ASNS: variants seen among roughly 807,000 people sequenced by gnomAD.
The protein encoded by ASNS is asparagine synthetase [glutamine-hydrolyzing].
In ASNS, 37 loss-of-function variants were observed where a neutral mutation model predicts 62.6. The ratio of observed to expected loss-of-function variants is 0.59; its 90% CI spans 0.45 to 0.78. ASNS has a LOEUF of 0.78. Ranked by LOEUF, ASNS falls within the 30% of genes least tolerant of loss-of-function variation. ASNS has a pLI of 0.00. For synonymous variants in ASNS, 207 were observed against 237.9 expected, an observed-to-expected ratio of 0.87 and a Z score of 1.19; for missense variants, 520 against 682.4, an observed-to-expected ratio of 0.76 and a Z score of 2.65.
rs1327807769 is a variant in ASNS, at chr7:97,852,250, A to C, written c.*9T>G. The C allele has an allele frequency of 6.2e-7, 1 of 1,614,006 alleles. No individual in the cohort carries two copies. The highest frequency in any genetic ancestry group is 8.5e-7 in the Non-Finnish European group (1 of 1,179,986). The stretch of plus-strand genomic sequence containing the variant: ...AATATTTGCTTTCACATTACAGCAT[A>C]AAGACCACCTAAGCTTTGACAGCTG... On this transcript the variant is annotated 3_prime_UTR_variant, in exon 13 of 13. Coordinates refer to ENST00000394308, the MANE Select transcript of ASNS (RefSeq NM_001673.5).
the ASNS span, among the ~76,000 whole-genome samples, chr7:97,881,091 C>T: frequency 6.6e-6 from 1 of 152,178 alleles, no homozygotes. Context: ...CAGGTGTGCA[C>T]CGCCACGCCT....
chr7:97,893,118 T>C, the ASNS span, among the ~76,000 whole-genome samples: 1 of 152,246 alleles, frequency 6.6e-6, no homozygotes, highest in African/African-American at 2.4e-5. Context: ...AAGTCACATC[T>C]TACAGGGATG....
At chr7:97,926,691 G>A in the ASNS span, among the ~76,000 whole-genome samples, 1 of 152,182 alleles carries the variant, frequency 6.6e-6, no homozygotes, top group East Asian at 1.9e-4. Context: ...GCCGCGAAAA[G>A]AGCGTGCCAT....
At chr7:97,887,572 C>T in the ASNS span, among the ~76,000 whole-genome samples, 1 of 152,162 alleles carries the variant, frequency 6.6e-6, no homozygotes. Context: ...CAATTGTGCT[C>T]GCTCACTCCT....
chr7:97,897,448 CA>C, the ASNS span, among the ~76,000 whole-genome samples: 2 of 151,528 alleles, frequency 1.3e-5, no homozygotes, highest in East Asian at 3.9e-4. Flanking sequence ...AAGAAACTAT[CA>C]AAAAATAAAC....
the ASNS span, among the ~76,000 whole-genome samples, chr7:97,926,695 G>A: frequency 3.9e-5 from 6 of 152,190 alleles, no homozygotes; most frequent in Admixed American, 6.5e-5. Context: ...CGAAAAGAGC[G>A]TGCCATATTC....
intron 3 of ASNS, among the ~76,000 whole-genome samples, chr7:97,864,722 A>T (rs560317107): frequency 6.6e-6 from 1 of 152,328 alleles, no homozygotes; most frequent in Admixed American, 6.5e-5. Flanking sequence ...GCAGTCTGAT[A>T]AACAGAACAT....
chr7:97,854,673 G>A lies in ASNS; in HGVS notation c.1145C>T (p.Ser382Phe). ...QGYIYFHKAP[S>F]PEKAEEESER... Reference sequence around the variant, plus strand: ...ACTCTCCTCCTCGGCTTTTTCAGGAGAAGGAGCCTATTTCACAAACAAAAA... The same window carrying A: ...ACTCTCCTCCTCGGCTTTTTCAGGAAAAGGAGCCTATTTCACAAACAAAAA... The change falls in exon 10 of 13, where the codon TCT (serine) becomes TTT (phenylalanine). Residue 382 changes from serine to phenylalanine, a missense_variant. By Grantham distance (155) the Ser-to-Phe change is radical. Transcript: ENST00000394308. 6.2e-7 allele frequency: 1 copy of A among 1,614,010 alleles called. No homozygotes were observed. Among genetic ancestry groups the A allele is most frequent in the Non-Finnish European group, 8.5e-7 (1 of 1,179,990 alleles).
At chr7:97,909,343 A>T in the ASNS span, among the ~76,000 whole-genome samples, 1 of 118,922 alleles carries the variant, frequency 8.4e-6, no homozygotes, top group African/African-American at 3.3e-5. Flanking sequence ...TCGCTCTGTC[A>T]CCCAGGCTGG....
At chr7:97,877,306 G>A (rs1038242065), upstream of ASNS, among the ~76,000 whole-genome samples, 14 of 152,022 alleles carry the variant, frequency 9.2e-5, no homozygotes, top group African/African-American at 3.1e-4. Context: ...TGTTGGCCAG[G>A]ATGGTCTCGA....
chr7:97,856,622 T>G, intron 8 of ASNS, 68 bp downstream of exon 8: 1 of 1,355,092 alleles, frequency 7.4e-7, no homozygotes. Context: ...TGAAATAATT[T>G]TTTTAAACCT....
At chr7:97,864,691 G>A (rs961448010) in intron 3 of ASNS, among the ~76,000 whole-genome samples, 195 bp from the exon 4 acceptor site, 28 of 152,170 alleles carry the variant, frequency 1.8e-4, no homozygotes, top group South Asian at 4.1e-4. Context: ...ACATAAAGCC[G>A]AACCCATGAA....
the ASNS span, among the ~76,000 whole-genome samples, chr7:97,895,420 G>A: frequency 6.6e-6 from 1 of 152,178 alleles, no homozygotes. Flanking sequence ...GACAAAAGGA[G>A]GTCAAATTGT....
At chr7:97,900,240 T>A in the ASNS span, among the ~76,000 whole-genome samples, 2 of 150,826 alleles carry the variant, frequency 1.3e-5, no homozygotes, top group African/African-American at 2.4e-5. Flanking sequence ...CAGGTGCCTA[T>A]AATCCCAGCT....
At chr7:97,915,882 G>A in the ASNS span, among the ~76,000 whole-genome samples, 2 of 152,216 alleles carry the variant, frequency 1.3e-5, no homozygotes, top group African/African-American at 2.4e-5. Context: ...AACAGATTCA[G>A]CAATGACTAA....
the ASNS span, among the ~76,000 whole-genome samples, chr7:97,894,899 C>T: frequency 6.6e-6 from 1 of 152,164 alleles, no homozygotes; most frequent in Admixed American, 6.5e-5. Context: ...GATATCCAAT[C>T]AAGACAAGGA....
chr7:97,884,828 A>T, the ASNS span, among the ~76,000 whole-genome samples: 3 of 152,348 alleles, frequency 2.0e-5, no homozygotes, highest in Admixed American at 6.5e-5. Flanking sequence ...GATCAATTTT[A>T]AAACATTTTC....
In ASNS at chr7:97,855,007, T is replaced by G. The variant is rs1303056209; in HGVS notation, c.1138-327A>C. 8.2e-6 allele frequency: 3 copies of G among 366,626 alleles called. No homozygotes were observed. In the East Asian group the frequency reaches 1.7e-4, roughly 21 times the overall value. 22.7% of individuals were successfully genotyped at this position (366,626 alleles called of 1,614,324 possible). On this transcript the variant is annotated intron_variant, in intron 9 of 12. Coordinates refer to ENST00000394308, the MANE Select transcript of ASNS (RefSeq NM_001673.5). Reference sequence around the variant, plus strand: ...TTTTTTTTTTTTAAGAGACGGGGTCTTACTCTGTCAACCAGGCAGGAGTGC... The same window carrying G: ...TTTTTTTTTTTTAAGAGACGGGGTCGTACTCTGTCAACCAGGCAGGAGTGC...
At chr7:97,898,526 C>A in the ASNS span, 165 of 574,500 alleles carry the variant, frequency 2.9e-4, no homozygotes, top group African/African-American at 2.9e-3. Flanking sequence ...ATTGGCAAGC[C>A]TTTTCTATAT....
Sources: gnomAD v4.1 joint callset for allele counts (sites outside exome capture counted in the v4.1 genomes callset) on GRCh38, gnomAD v4.1.1 for gene constraint, MANE v1.5 for transcripts, NCBI Gene and HGNC (gene_info 2026-07-23, HGNC 2026-07-21) for gene names.